PTPRU: variants seen among roughly 807,000 people sequenced by gnomAD.
PTPRU encodes the protein protein tyrosine phosphatase receptor type U.
In PTPRU, 69 loss-of-function variants were observed where a neutral mutation model predicts 166.3. That is an observed-to-expected ratio of 0.41 (90% CI 0.34 to 0.51). The LOEUF is 0.51. Among genes scored for constraint, PTPRU ranks in the 20% least tolerant of loss-of-function variants. The pLI is 0.09. For synonymous variants in PTPRU, 793 were observed against 814.0 expected, an observed-to-expected ratio of 0.97 and a Z score of 0.44; for missense variants, 1,657 against 2,013.7, an observed-to-expected ratio of 0.82 and a Z score of 3.39.
At chr1:29,269,856 G>A (rs1317112924) in intron 7 of PTPRU, among the ~76,000 whole-genome samples, 3 of 152,082 alleles carry the variant, frequency 2.0e-5, no homozygotes, top group Non-Finnish European at 2.9e-5. Flanking sequence ...GCATTGGGAT[G>A]TAGAAAGCAT....
At chr1:29,259,604 A>AGGGG in intron 5 of PTPRU, 40 bp downstream of exon 5, 1 of 280,240 alleles carries the variant, frequency 3.6e-6, no homozygotes, top group East Asian at 7.4e-5. Context: ...GCGGGGTGGG[A>AGGGG]GGGGGTTGGT....
chr1:29,301,332 A>G (rs6670784), intron 15 of PTPRU, among the ~76,000 whole-genome samples: 37,854 of 152,130 alleles, frequency 0.25, 5,951 homozygotes, highest in East Asian at 0.63. Flanking sequence ...TCATAATGTC[A>G]TCGTGCAATG....
chr1:29,310,189 C>A (rs1285059098), intron 18 of PTPRU, among the ~76,000 whole-genome samples: 1 of 152,168 alleles, frequency 6.6e-6, no homozygotes, highest in Non-Finnish European at 1.5e-5. Flanking sequence ...ATCCAAGGGC[C>A]ATGAGTAATG....
Position 29,259,297 on chromosome 1 carries a change from G to T in PTPRU, c.514G>T (p.Gly172Cys). 6.2e-7 allele frequency: 1 copy of T among 1,614,072 alleles called. No individual in the cohort carries two copies. Among genetic ancestry groups the T allele is most frequent in the Non-Finnish European group, 8.5e-7 (1 of 1,179,976 alleles). ...FEALISPDRRGYMGLDDILLL... is the reference protein window; with the variant it reads ...FEALISPDRRCYMGLDDILLL... Reference sequence around the variant, plus strand: ...GGCCCTCATCTCCCCAGACCGCAGGGGCTACATGGGCCTAGATGACATCCT... The same window carrying T: ...GGCCCTCATCTCCCCAGACCGCAGGTGCTACATGGGCCTAGATGACATCCT... Residue 172 changes from glycine to cysteine, a missense_variant, in exon 4 of 30, where the codon GGC becomes TGC. This residue lies in a region of PTPRU where 453 missense variants were observed against 496.9 expected (regional missense o/e 0.91). Coordinates refer to ENST00000373779, the MANE Select transcript of PTPRU (RefSeq NM_133178.4).
intron 2 of PTPRU, 26 bp from the exon 3 acceptor site, chr1:29,258,476 TCTC>T: frequency 6.2e-7 from 1 of 1,603,990 alleles, no homozygotes; most frequent in Non-Finnish European, 8.5e-7. Flanking sequence ...GGTCTCCTCA[TCTC>T]CTGCCTCTTC....
intron 7 of PTPRU, among the ~76,000 whole-genome samples, chr1:29,262,308 T>C (rs1034214160): frequency 2.0e-5 from 3 of 152,236 alleles, no homozygotes; most frequent in Admixed American, 2.0e-4. Flanking sequence ...AACAGCTTTA[T>C]TGCAATATAA....
chr1:29,316,582 T>C (rs1482018365), intron 24 of PTPRU, among the ~76,000 whole-genome samples: 2 of 152,206 alleles, frequency 1.3e-5, no homozygotes, highest in Non-Finnish European at 2.9e-5. Context: ...GCTTCAGTTG[T>C]AGCTGGATCC....
rs763893324 is a variant in PTPRU, at chr1:29,315,981, C to T, written c.3364-21C>T. 1 of 1,613,632 alleles carries T rather than the reference C, an allele frequency of 6.2e-7. No individual in the cohort carries two copies. Among genetic ancestry groups the T allele is most frequent in the South Asian group, 1.1e-5 (1 of 91,008 alleles). On this transcript the variant is annotated intron_variant, in intron 23 of 29. Coordinates refer to ENST00000373779, the MANE Select transcript of PTPRU (RefSeq NM_133178.4). The surrounding 1 kb of genome is among the most constrained non-coding windows in gnomAD (Gnocchi z 4.5). ...CAGCTTCTAGGCCCCTCCTCGGCCT[C>T]ATTCTCATCTCCTGTTCCAGGAGCA...
chr1:29,283,487 T>C lies in PTPRU; in HGVS notation c.2143-453T>C, dbSNP rs371519495. ...CTTCCTGAGGCCCTGCCTTCTATCT[T>C]AGATGCTTCTCTTCCCAGAGGAGTC... is the stretch of plus-strand genomic sequence containing the variant. On this transcript the variant is annotated intron_variant, in intron 12 of 29. Coordinates refer to ENST00000373779, the MANE Select transcript of PTPRU (RefSeq NM_133178.4). 2.0e-5 allele frequency among the ~76,000 whole-genome samples: 3 copies of C among 152,066 alleles called. No individual in the cohort carries two copies. The South Asian group carries it at 6.2e-4, about 32-fold the overall frequency.
intron 14 of PTPRU, among the ~76,000 whole-genome samples, chr1:29,288,306 G>A (rs1025833425): frequency 6.6e-6 from 1 of 152,322 alleles, no homozygotes; most frequent in East Asian, 1.9e-4. Flanking sequence ...TGTAGCCAGT[G>A]GAGAGCCTGG....
chr1:29,317,821 A>G lies in PTPRU; in HGVS notation c.3587A>G (p.Lys1196Arg), dbSNP rs765546818. The change falls in exon 25 of 30, where the codon AAG becomes AGG. Residue 1196 changes from lysine (K) to arginine (R), a missense_variant. Coordinates refer to ENST00000373779, the MANE Select transcript of PTPRU (RefSeq NM_133178.4). The surrounding 1 kb of genome is among the most constrained non-coding windows in gnomAD (Gnocchi z 5.6). The stretch of plus-strand genomic sequence containing the variant: ...GCCCTGTTGCCCCGGAACCGCGACA[A>G]GAACCGCAGCATGGACGTCCTGCCG... ...SIALLPRNRD[K>R]NRSMDVLPPD... 3.1e-6 allele frequency: 5 copies of G among 1,613,634 alleles called. No homozygotes were observed. The African/African-American group carries it at 5.3e-5, about 17-fold the overall frequency.
At chr1:29,273,783 C>T (rs1423597712) in intron 7 of PTPRU, among the ~76,000 whole-genome samples, 2 of 152,102 alleles carry the variant, frequency 1.3e-5, no homozygotes, top group East Asian at 3.9e-4. Context: ...CATGCACCTC[C>T]CTTCTGCTGG....
In PTPRU at chr1:29,284,788, G is replaced by A; in HGVS notation, c.2237G>A (p.Gly746Glu). 2 of 1,614,024 alleles carry A rather than the reference G, an allele frequency of 1.2e-6. No individual in the cohort carries two copies. Among genetic ancestry groups the A allele is most frequent in the Non-Finnish European group, 1.7e-6 (2 of 1,179,958 alleles). ...GTGTCCCAGAGATCGGAGGAGATGGGGCTTATCCTGGGCATCTGTGCAGGG... is the reference window on the plus strand; with the variant it reads ...GTGTCCCAGAGATCGGAGGAGATGGAGCTTATCCTGGGCATCTGTGCAGGG... ...LEVSQRSEEM[G>E]LILGICAGGL... Residue 746 changes from glycine to glutamate, a missense_variant, in exon 14 of 30, where the codon GGG (glycine) becomes GAG (glutamate). Gly to Glu is a moderately conservative substitution (Grantham distance 98). Coordinates refer to ENST00000373779, the MANE Select transcript of PTPRU (RefSeq NM_133178.4).
chr1:29,302,360 G>A (rs937877663), intron 15 of PTPRU, among the ~76,000 whole-genome samples: 1 of 152,020 alleles, frequency 6.6e-6, no homozygotes, highest in Non-Finnish European at 1.5e-5. Flanking sequence ...TATTCAAGAA[G>A]GAAAACTATT....
At chr1:29,255,206 T>C in intron 1 of PTPRU, 69 bp from the exon 2 acceptor site, 1 of 1,539,842 alleles carries the variant, frequency 6.5e-7, no homozygotes, top group East Asian at 2.4e-5. Context: ...AGAGTGGGGC[T>C]ACCCTCCAGG....
chr1:29,237,670 C>G lies in PTPRU; in HGVS notation c.73+953C>G. On this transcript the variant is annotated intron_variant, in intron 1 of 29. Coordinates refer to ENST00000373779, the MANE Select transcript of PTPRU (RefSeq NM_133178.4). The surrounding 1 kb of genome is among the most constrained non-coding windows in gnomAD (Gnocchi z 6.4). ...GCCCGAGGCTCAGGGGAGGACCGGG[C>G]CCCGCGGCCGCCGCCTCGGGCATGT... 6.6e-6 allele frequency among the ~76,000 whole-genome samples: 1 copy of G among 151,240 alleles called. No individual in the cohort carries two copies. Among genetic ancestry groups the G allele is most frequent in the East Asian group, 1.9e-4 (1 of 5,140 alleles).
intron 28 of PTPRU, 47 bp from the exon 29 acceptor site, chr1:29,325,144 T>C (rs1204878752): frequency 1.2e-6 from 2 of 1,610,730 alleles, no homozygotes; most frequent in South Asian, 1.1e-5. Context: ...TTTTCTTACC[T>C]TCAGGTTCCA....
intron 15 of PTPRU, among the ~76,000 whole-genome samples, chr1:29,295,836 G>A (rs1051083806): frequency 1.3e-5 from 2 of 151,828 alleles, no homozygotes; most frequent in African/African-American, 4.8e-5. Context: ...ACAGACGTGC[G>A]CCACCATGCC....
chr1:29,318,493 T>C (rs985383836), intron 25 of PTPRU, among the ~76,000 whole-genome samples: 6 of 152,224 alleles, frequency 3.9e-5, no homozygotes, highest in African/African-American at 1.4e-4. Context: ...CCCTGCTAAA[T>C]GGCTCCAAGA....
Sources: allele counts gnomAD v4.1 joint callset (sites outside exome capture counted in the v4.1 genomes callset), GRCh38; gene constraint gnomAD v4.1.1; regional missense constraint gnomAD v4.1.1; non-coding constraint Gnocchi (gnomAD v3.1); transcripts MANE v1.5; gene names NCBI Gene and HGNC (gene_info 2026-07-23, HGNC 2026-07-21).